ARHGAP21: variants seen among roughly 807,000 people sequenced by gnomAD.
The protein encoded by ARHGAP21 is Rho GTPase activating protein 21.
A neutral mutation model predicts 164.6 loss-of-function variants in ARHGAP21; 38 were observed. The observed-to-expected ratio is 0.23, with a 90% CI of 0.18 to 0.30. The LOEUF is 0.30. Among genes scored for constraint, ARHGAP21 ranks in the 10% least tolerant of loss-of-function variants. ARHGAP21 has a pLI of 1.00. For synonymous variants in ARHGAP21, 766 were observed against 857.9 expected (o/e 0.89, Z 1.87); for missense variants, 1,822 against 2,370.7 (o/e 0.77, Z 4.81).
chr10:24,677,672 G>T (rs1456711655), intron 2 of ARHGAP21, among the ~76,000 whole-genome samples: 1 of 152,206 alleles, frequency 6.6e-6, no homozygotes, highest in Non-Finnish European at 1.5e-5. Flanking sequence ...TATAGGGTAA[G>T]AGGTATGCTA....
intron 22 of ARHGAP21, 68 bp from the exon 23 acceptor site, chr10:24,591,751 A>G: frequency 1.9e-6 from 3 of 1,601,752 alleles, no homozygotes; most frequent in Middle Eastern, 1.8e-4. Context: ...CTTGGAGGAT[A>G]GTATAGAAAA....
chr10:24,721,772 A>G (rs1449887066), intron 2 of ARHGAP21, 65 bp downstream of exon 2: 4 of 1,588,538 alleles, frequency 2.5e-6, no homozygotes, highest in African/African-American at 1.3e-5. Flanking sequence ...GTAACCCCCA[A>G]CTTGCAGGAC....
At position 24,584,848 on chromosome 10, in the gene ARHGAP21, C is replaced by T. The variant is rs934122380; in HGVS notation, c.5441G>A (p.Ser1814Asn). The change falls in exon 26 of 26, where the codon AGC becomes AAC. Residue 1814 changes from serine (S) to asparagine (N), a missense_variant. Transcript: ENST00000396432. ...ATGCACTTTCCAAAAATTCAAAACG[C>T]TGATTTCGGTAGCATCTCTGTGCCC... ...LGGHRDATEI[S>N]VLNFWKVHEQ... 1.9e-6 allele frequency: 3 copies of T among 1,613,844 alleles called. No individual in the cohort carries two copies. In the African/African-American group the frequency reaches 4.0e-5, roughly 22 times the overall value.
At chr10:24,612,593 G>A (rs936565605) in intron 9 of ARHGAP21, among the ~76,000 whole-genome samples, 10 of 152,148 alleles carry the variant, frequency 6.6e-5, no homozygotes, top group African/African-American at 2.4e-4. Flanking sequence ...GGTGGCTCAC[G>A]CCTGTAATCC....
At chr10:24,653,353 T>C (rs1030580099) in intron 4 of ARHGAP21, among the ~76,000 whole-genome samples, 5 of 152,056 alleles carry the variant, frequency 3.3e-5, no homozygotes, top group African/African-American at 4.8e-5. Flanking sequence ...GGCGGGTGGA[T>C]CATGAGGTCA....
At chr10:24,659,729 C>T (rs567587311) in intron 4 of ARHGAP21, among the ~76,000 whole-genome samples, 1 of 152,196 alleles carries the variant, frequency 6.6e-6, no homozygotes, top group Non-Finnish European at 1.5e-5. Flanking sequence ...TTCTCAACCT[C>T]CTGGCCTCAA....
intron 12 of ARHGAP21, among the ~76,000 whole-genome samples, chr10:24,603,388 T>G (rs2076894213): frequency 6.6e-6 from 1 of 152,174 alleles, no homozygotes; most frequent in Non-Finnish European, 1.5e-5. Flanking sequence ...AATGTCAGTG[T>G]TGTTCTGATG....
intron 2 of ARHGAP21, among the ~76,000 whole-genome samples, chr10:24,699,539 G>C (rs1843461612): frequency 6.6e-6 from 1 of 152,112 alleles, no homozygotes; most frequent in South Asian, 2.1e-4. Context: ...TGGCCAGGCT[G>C]GTCTCCAACT....
At chr10:24,656,082 G>A (rs1838835329) in intron 4 of ARHGAP21, among the ~76,000 whole-genome samples, 1 of 148,472 alleles carries the variant, frequency 6.7e-6, no homozygotes, top group South Asian at 2.1e-4. Context: ...AAGAAGTGAG[G>A]AGCCTCTCCG....
intron 9 of ARHGAP21, among the ~76,000 whole-genome samples, chr10:24,618,469 CTG>C: frequency 6.6e-6 from 1 of 152,180 alleles, no homozygotes; most frequent in East Asian, 1.9e-4. Context: ...GTTTCTGTGT[CTG>C]TGCGTGGGAT....
intron 2 of ARHGAP21, among the ~76,000 whole-genome samples, chr10:24,689,960 G>A (rs1842614406): frequency 6.7e-6 from 1 of 149,330 alleles, no homozygotes; most frequent in Admixed American, 6.7e-5. Context: ...GTGTGTGTGT[G>A]TGTGTATATA....
At chr10:24,626,805 C>A (rs1444871045) in intron 7 of ARHGAP21, among the ~76,000 whole-genome samples, 3 of 151,978 alleles carry the variant, frequency 2.0e-5, no homozygotes, top group African/African-American at 4.8e-5. Context: ...ATACCAGAGT[C>A]TAAAATATTA....
chr10:24,635,849 C>G (rs549039553), intron 4 of ARHGAP21, among the ~76,000 whole-genome samples: 7 of 152,310 alleles, frequency 4.6e-5, no homozygotes, highest in African/African-American at 1.7e-4. Context: ...CCAGCCTCTA[C>G]TGCTTCTTAA....
At chr10:24,672,561 T>C (rs180750057) in intron 2 of ARHGAP21, among the ~76,000 whole-genome samples, 2 of 152,374 alleles carry the variant, frequency 1.3e-5, no homozygotes, top group South Asian at 2.1e-4. Context: ...ACCTGATATG[T>C]ATCTTAAACT....
chr10:24,668,244 T>G (rs1329094865), intron 3 of ARHGAP21, among the ~76,000 whole-genome samples: 1 of 152,258 alleles, frequency 6.6e-6, no homozygotes, highest in Non-Finnish European at 1.5e-5. Context: ...TAGCATCATT[T>G]CATTCAAAGT....
intron 2 of ARHGAP21, among the ~76,000 whole-genome samples, chr10:24,707,114 C>A (rs1565196107): frequency 6.6e-6 from 1 of 152,196 alleles, no homozygotes; most frequent in Non-Finnish European, 1.5e-5. Flanking sequence ...TCCTGGGTAC[C>A]ACAGTTCCAG....
intron 9 of ARHGAP21, among the ~76,000 whole-genome samples, chr10:24,618,589 T>C (rs1355992800): frequency 1.3e-5 from 2 of 152,286 alleles, no homozygotes. Flanking sequence ...GTGGAATGTA[T>C]ACCAGGGTTA....
intron 2 of ARHGAP21, among the ~76,000 whole-genome samples, chr10:24,703,099 T>G (rs1446563528): frequency 1.3e-5 from 2 of 152,160 alleles, no homozygotes; most frequent in Non-Finnish European, 2.9e-5. Context: ...GTACATAATA[T>G]TCCAACTTGT....
At chr10:24,695,910 T>C (rs1264071516) in intron 2 of ARHGAP21, among the ~76,000 whole-genome samples, 1 of 152,224 alleles carries the variant, frequency 6.6e-6, no homozygotes, top group Non-Finnish European at 1.5e-5. Context: ...GATGCCATGA[T>C]GACAGCCTCG....
Sources: allele counts gnomAD v4.1 joint callset (sites outside exome capture counted in the v4.1 genomes callset), GRCh38; gene constraint gnomAD v4.1.1; transcripts MANE v1.5; gene names NCBI Gene and HGNC (gene_info 2026-07-23, HGNC 2026-07-21).